The following KCNH1 variants were observed in gnomAD, a reference collection of about 807,000 sequenced individuals.
KCNH1 encodes the protein voltage-gated delayed rectifier potassium channel KCNH1.
KCNH1 carries 27 observed loss-of-function variants against 69.2 expected under a neutral mutation model. The observed-to-expected ratio is 0.39, with a 90% CI of 0.29 to 0.54. The LOEUF is 0.54. Among genes scored for constraint, KCNH1 ranks in the 20% least tolerant of loss-of-function variants. The probability of loss-of-function intolerance (pLI) is 0.68; values close to 1 mark genes in which losing one functional copy is unlikely to be tolerated. For synonymous variants in KCNH1, 456 were observed against 487.7 expected (o/e 0.93, Z 0.86); for missense variants, 798 against 1,261.6 (o/e 0.63, Z 5.57).
At chr1:211,102,868 C>A (rs557902339) in intron 3 of KCNH1, among the ~76,000 whole-genome samples, 1 of 152,304 alleles carries the variant, frequency 6.6e-6, no homozygotes, top group South Asian at 2.1e-4. Context: ...ACCCATGCAG[C>A]CTTGCTAGGC....
chr1:210,942,117 A>T (rs1687887415), intron 6 of KCNH1, among the ~76,000 whole-genome samples: 2 of 152,232 alleles, frequency 1.3e-5, no homozygotes, highest in Non-Finnish European at 2.9e-5. Flanking sequence ...ATAGTTCCAA[A>T]GTTTCTGGAA....
At chr1:211,123,941 G>A (rs1334395571) in intron 1 of KCNH1, among the ~76,000 whole-genome samples, 1 of 152,074 alleles carries the variant, frequency 6.6e-6, no homozygotes, top group Non-Finnish European at 1.5e-5. Context: ...TGGAGGGGAG[G>A]AGACATTTTA....
intron 7 of KCNH1, among the ~76,000 whole-genome samples, chr1:210,827,659 G>A (rs962970132): frequency 6.6e-6 from 1 of 152,140 alleles, no homozygotes; most frequent in African/African-American, 2.4e-5. Flanking sequence ...TGAAGACTAG[G>A]ACATATTACA....
intron 6 of KCNH1, among the ~76,000 whole-genome samples, chr1:210,921,635 T>C (rs1354693117): frequency 6.6e-6 from 1 of 152,182 alleles, no homozygotes; most frequent in Non-Finnish European, 1.5e-5. Context: ...GTCTAGTTCT[T>C]GCCAACGGAA....
chr1:211,000,575 T>C (rs1207515069), intron 6 of KCNH1, among the ~76,000 whole-genome samples: 2 of 152,138 alleles, frequency 1.3e-5, no homozygotes, highest in Non-Finnish European at 2.9e-5. Context: ...ATCATGAAAA[T>C]GGTCATACTG....
intron 6 of KCNH1, among the ~76,000 whole-genome samples, chr1:210,941,597 T>C (rs1687875932): frequency 6.6e-6 from 1 of 152,108 alleles, no homozygotes; most frequent in African/African-American, 2.4e-5. Context: ...ACCAAAGCTC[T>C]GCGAGGCAGA....
intron 7 of KCNH1, among the ~76,000 whole-genome samples, chr1:210,842,656 G>A (rs933688454): frequency 3.9e-5 from 6 of 152,108 alleles, no homozygotes; most frequent in African/African-American, 1.4e-4. Flanking sequence ...AAGGAAAGCA[G>A]GCTGAAAATC....
chr1:210,879,771 A>T (rs971894029), intron 7 of KCNH1, among the ~76,000 whole-genome samples: 1 of 152,156 alleles, frequency 6.6e-6, no homozygotes, highest in Non-Finnish European at 1.5e-5. Context: ...AAGATAAGGA[A>T]ATACAAGGTA....
At chr1:211,027,167 A>G (rs1044387517) in intron 5 of KCNH1, among the ~76,000 whole-genome samples, 1 of 152,206 alleles carries the variant, frequency 6.6e-6, no homozygotes, top group Non-Finnish European at 1.5e-5. Flanking sequence ...TTGAACAGCC[A>G]TCATAAAAGT....
rs1681286426 is a variant in KCNH1, at chr1:210,682,242, C to T, written c.*1039G>A. ...ATGGCTCCCAAGTGCCTATAATGAC[C>T]CCGTGCGGTGAACAAAATACAAAGG... On this transcript the variant is annotated 3_prime_UTR_variant, in exon 11 of 11. Coordinates refer to ENST00000271751, the MANE Select transcript of KCNH1 (RefSeq NM_172362.3). The T allele has an allele frequency of 6.6e-6, 1 of 152,082 alleles. No homozygotes were observed. The highest frequency in any genetic ancestry group is 2.4e-5 in the African/African-American group (1 of 41,406). The allele number at this position is 152,082 out of a possible 1,614,324, so 9.4% of individuals were successfully genotyped here. A position where few individuals can be genotyped will look rare whatever the true frequency, so the allele number is the denominator to read the frequency against.
At chr1:210,778,577 C>T (rs900503831) in intron 9 of KCNH1, among the ~76,000 whole-genome samples, 2 of 151,212 alleles carry the variant, frequency 1.3e-5, no homozygotes, top group African/African-American at 4.9e-5. Context: ...AATATTCCAG[C>T]AGAACATCAC....
At chr1:210,954,283 T>C (rs1240445322) in intron 6 of KCNH1, among the ~76,000 whole-genome samples, 1 of 152,220 alleles carries the variant, frequency 6.6e-6, no homozygotes, top group Non-Finnish European at 1.5e-5. Flanking sequence ...ATGTGCCACA[T>C]TTTCTTAATC....
chr1:210,755,666 T>A (rs1285813025), intron 10 of KCNH1, among the ~76,000 whole-genome samples: 1 of 151,848 alleles, frequency 6.6e-6, no homozygotes, highest in Non-Finnish European at 1.5e-5. Flanking sequence ...CTCTTTTCCA[T>A]AAATATTTCT....
chr1:211,128,089 G>A (rs183441477), intron 1 of KCNH1, among the ~76,000 whole-genome samples: 1 of 152,172 alleles, frequency 6.6e-6, no homozygotes, highest in African/African-American at 2.4e-5. Context: ...AGGAGTTCAA[G>A]ACCAGCCTGA....
chr1:211,041,572 C>T (rs1689995760), intron 5 of KCNH1, among the ~76,000 whole-genome samples: 1 of 152,214 alleles, frequency 6.6e-6, no homozygotes, highest in Non-Finnish European at 1.5e-5. Flanking sequence ...ATTCACATAT[C>T]ATACATCAAC....
At chr1:210,704,609 A>T (rs1052245798) in intron 10 of KCNH1, among the ~76,000 whole-genome samples, 1 of 152,242 alleles carries the variant, frequency 6.6e-6, no homozygotes, top group African/African-American at 2.4e-5. Context: ...TATATGGGGC[A>T]AGTGTCCTTA....
chr1:211,094,819 G>A (rs1261667693), intron 3 of KCNH1, among the ~76,000 whole-genome samples: 1 of 152,198 alleles, frequency 6.6e-6, no homozygotes, highest in Non-Finnish European at 1.5e-5. Flanking sequence ...TCTTTCAGAA[G>A]AGAACATAAG....
intron 6 of KCNH1, among the ~76,000 whole-genome samples, chr1:210,923,813 T>C (rs563505441): frequency 2.0e-5 from 3 of 152,358 alleles, no homozygotes; most frequent in Non-Finnish European, 4.4e-5. Context: ...AGAAGCCCCA[T>C]ATATTCAACA....
At chr1:211,017,092 A>G (rs1200254237) in intron 6 of KCNH1, among the ~76,000 whole-genome samples, 1 of 152,084 alleles carries the variant, frequency 6.6e-6, no homozygotes, top group Non-Finnish European at 1.5e-5. Context: ...AAAACCCACC[A>G]CACAGATACA....
Sources: gnomAD v4.1 joint callset for allele counts (sites outside exome capture counted in the v4.1 genomes callset) on GRCh38, gnomAD v4.1.1 for gene constraint, MANE v1.5 for transcripts, NCBI Gene and HGNC (gene_info 2026-07-23, HGNC 2026-07-21) for gene names.